DGKI: variants seen among roughly 807,000 people sequenced by gnomAD.
The protein encoded by DGKI is DAG kinase iota.
A neutral mutation model predicts 147.5 loss-of-function variants in DGKI; 55 were observed. The observed-to-expected ratio is 0.37, with a 90% CI of 0.30 to 0.47. DGKI has a LOEUF of 0.47. Ranked by LOEUF, DGKI falls within the 20% of genes least tolerant of loss-of-function variation. The pLI is 1.00. For synonymous variants in DGKI, 469 were observed against 477.1 expected, an observed-to-expected ratio of 0.98 and a Z score of 0.22; for missense variants, 1,007 against 1,323.8, an observed-to-expected ratio of 0.76 and a Z score of 3.71.
At chr7:137,620,015 A>ACATG (rs1554442871) in intron 7 of DGKI, 75 bp from the exon 8 acceptor site, 9 of 701,764 alleles carry the variant, frequency 1.3e-5, no homozygotes, top group African/African-American at 8.6e-5. Flanking sequence ...AAATATGTAC[A>ACATG]CACGCACACA....
intron 28 of DGKI, among the ~76,000 whole-genome samples, chr7:137,418,968 C>A (rs575542037): frequency 1.3e-5 from 2 of 152,260 alleles, no homozygotes; most frequent in African/African-American, 2.4e-5. Context: ...CTTAGTCTAA[C>A]CTTTCATTTC....
At chr7:137,449,561 C>T (rs144479702) in intron 27 of DGKI, among the ~76,000 whole-genome samples, 1 of 152,282 alleles carries the variant, frequency 6.6e-6, no homozygotes, top group East Asian at 1.9e-4. Context: ...AGCTCCACGA[C>T]ATCGGTCTGG....
intron 5 of DGKI, among the ~76,000 whole-genome samples, chr7:137,653,341 A>G (rs538523489): frequency 6.6e-6 from 1 of 152,152 alleles, no homozygotes; most frequent in African/African-American, 2.4e-5. Flanking sequence ...TATGCCTCCA[A>G]CTCTTGAACT....
At chr7:137,836,681 T>C (rs1267907732) in intron 1 of DGKI, among the ~76,000 whole-genome samples, 1 of 152,164 alleles carries the variant, frequency 6.6e-6, no homozygotes, top group Non-Finnish European at 1.5e-5. Context: ...CCCAGGAAAC[T>C]GGATTTATTC....
At chr7:137,675,643 C>T (rs983027203) in intron 3 of DGKI, among the ~76,000 whole-genome samples, 4 of 148,644 alleles carry the variant, frequency 2.7e-5, no homozygotes, top group African/African-American at 1.0e-4. Context: ...CGAGATCACA[C>T]CACTGCACTC....
At chr7:137,409,575 A>G (rs1053121159) in intron 29 of DGKI, among the ~76,000 whole-genome samples, 29 of 152,224 alleles carry the variant, frequency 1.9e-4, no homozygotes, top group Non-Finnish European at 1.2e-4. Flanking sequence ...GGGGGGCAAG[A>G]GGGCAGGAAG....
intron 20 of DGKI, among the ~76,000 whole-genome samples, chr7:137,552,045 C>T (rs1197737681): frequency 1.3e-5 from 2 of 152,150 alleles, no homozygotes; most frequent in African/African-American, 4.8e-5. Flanking sequence ...AACAAAAACG[C>T]ATTTACCTGA....
chr7:137,664,730 C>T (rs1035505726), intron 3 of DGKI, among the ~76,000 whole-genome samples: 2 of 152,104 alleles, frequency 1.3e-5, no homozygotes, highest in Admixed American at 6.5e-5. Context: ...CATCAGACAC[C>T]GTGCCCAGCC....
At chr7:137,524,489 T>C (rs1172244565) in intron 20 of DGKI, among the ~76,000 whole-genome samples, 1 of 152,082 alleles carries the variant, frequency 6.6e-6, no homozygotes, top group Admixed American at 6.6e-5. Flanking sequence ...TGTTAGGAAT[T>C]AGATGCAAGT....
At chr7:137,486,260 G>C (rs981227149) in intron 22 of DGKI, among the ~76,000 whole-genome samples, 10 of 151,968 alleles carry the variant, frequency 6.6e-5, no homozygotes, top group Non-Finnish European at 1.0e-4. Context: ...TATTAAGTTA[G>C]TTAAGTTGGT....
chr7:137,724,520 C>T (rs577610829), intron 1 of DGKI, among the ~76,000 whole-genome samples: 3 of 152,100 alleles, frequency 2.0e-5, no homozygotes, highest in East Asian at 1.9e-4. Context: ...TGGTAAGATT[C>T]GAGGTATATC....
At chr7:137,691,031 A>G (rs1823585731) in intron 1 of DGKI, among the ~76,000 whole-genome samples, 1 of 152,132 alleles carries the variant, frequency 6.6e-6, no homozygotes, top group Non-Finnish European at 1.5e-5. Context: ...TTTCCCCTAT[A>G]ATAATATCTA....
At chr7:137,842,025 T>C (rs996758399) in intron 1 of DGKI, among the ~76,000 whole-genome samples, 3 of 152,290 alleles carry the variant, frequency 2.0e-5, no homozygotes, top group East Asian at 3.9e-4. Flanking sequence ...CCAGTGTGTA[T>C]CCTAACTGAG....
chr7:137,631,954 A>T (rs2129002066), intron 6 of DGKI, among the ~76,000 whole-genome samples: 1 of 152,340 alleles, frequency 6.6e-6, no homozygotes, highest in South Asian at 2.1e-4. Context: ...ATTGTTGGGA[A>T]GTTCAGAGGT....
At chr7:137,604,762 C>T (rs950826659) in intron 10 of DGKI, among the ~76,000 whole-genome samples, 15 of 152,076 alleles carry the variant, frequency 9.9e-5, no homozygotes, top group African/African-American at 3.6e-4. Context: ...AAGAGAAAGT[C>T]ATGAGAGAAC....
intron 2 of DGKI, among the ~76,000 whole-genome samples, chr7:137,687,147 C>T (rs886243893): frequency 3.3e-5 from 5 of 152,112 alleles, no homozygotes; most frequent in Admixed American, 6.5e-5. Context: ...ACAGGACCCT[C>T]GTCGTCCCTG....
chr7:137,419,378 A>C (rs185608490), intron 28 of DGKI, among the ~76,000 whole-genome samples: 1 of 152,206 alleles, frequency 6.6e-6, no homozygotes, highest in Admixed American at 6.5e-5. Flanking sequence ...CGTGGCTACC[A>C]GATAACTTAT....
chr7:137,714,332 C>T (rs1794311696), intron 1 of DGKI, among the ~76,000 whole-genome samples: 1 of 152,248 alleles, frequency 6.6e-6, no homozygotes, highest in East Asian at 1.9e-4. Context: ...CTTTTAAATA[C>T]ATACTTTAAA....
Position 137,386,014 on chromosome 7 carries a change from G to A in DGKI, c.*5206C>T, listed in dbSNP as rs1459685344. On this transcript the variant is annotated 3_prime_UTR_variant, in exon 33 of 33. Coordinates refer to ENST00000614521, the MANE Select transcript of DGKI (RefSeq NM_001321708.2). ...TTTTTCAAATAATGATTAAATACAT[G>A]CACTTATGATTGATTCATGGACATA... 1 of 152,064 alleles carries A rather than the reference G, an allele frequency of 6.6e-6. No homozygotes were observed. Among genetic ancestry groups the A allele is most frequent in the Non-Finnish European group, 1.5e-5 (1 of 68,010 alleles). The allele number at this position is 152,064 out of a possible 1,614,324, so 9.4% of individuals were successfully genotyped here.
Sources: gnomAD v4.1 joint callset for allele counts (sites outside exome capture counted in the v4.1 genomes callset) on GRCh38, gnomAD v4.1.1 for gene constraint, MANE v1.5 for transcripts, NCBI Gene and HGNC (gene_info 2026-07-23, HGNC 2026-07-21) for gene names.